Variants in HLA-DQA1 observed in about 807,000 individuals in gnomAD.
HLA-DQA1 encodes the protein HLA class II histocompatibility antigen, DQ alpha 1 chain.
In HLA-DQA1, 10 loss-of-function variants were observed where a neutral mutation model predicts 20.7. That is an observed-to-expected ratio of 0.48 (90% CI 0.30 to 0.82). The LOEUF (loss-of-function observed/expected upper bound fraction) is 0.82, where lower values mean the gene tolerates loss of function less well. Among genes scored for constraint, HLA-DQA1 ranks in the 40% least tolerant of loss-of-function variants. The pLI, the probability that HLA-DQA1 is intolerant of heterozygous loss-of-function variation, is 0.07. For synonymous variants in HLA-DQA1, 39 were observed against 109.2 expected (o/e 0.36, Z 4.01); for missense variants, 127 against 293.0 (o/e 0.43, Z 4.14).
the HLA-DQA1 span, among the ~76,000 whole-genome samples, chr6:32,652,425 G>A: frequency 0.14 from 19,510 of 140,638 alleles, 4,203 homozygotes; most frequent in Admixed American, 0.21. Flanking sequence ...TTAGTAAAGT[G>A]AAACTGTTAA....
the HLA-DQA1 span, among the ~76,000 whole-genome samples, chr6:32,653,706 G>A: frequency 0.18 from 20,005 of 110,502 alleles, 6,915 homozygotes; most frequent in Admixed American, 0.21. Context: ...CATGTTCATC[G>A]CAGCACTACT....
At chr6:32,647,971 A>T (rs1024165891), downstream of HLA-DQA1, among the ~76,000 whole-genome samples, 4 of 151,848 alleles carry the variant, frequency 2.6e-5, no homozygotes, top group African/African-American at 9.7e-5. Flanking sequence ...ATAATTCCAC[A>T]AACATGTAAT....
downstream of HLA-DQA1, chr6:32,646,125 G>GC: frequency 1.0e-5 from 1 of 98,464 alleles, no homozygotes. Context: ...TAAAAATGTA[G>GC]GGCCTACTAT....
rs202014999 is a variant in HLA-DQA1, at chr6:32,642,375, CT to C, written c.613+132del. ...CTTCATGGGTTTCTTTTCTGTCTCT[CT>C]TTTTTTTTTGAAAGAATAAAGCAAA... is the stretch of plus-strand genomic sequence containing the variant. On this transcript the variant is annotated intron_variant, in intron 3 of 4. Coordinates refer to ENST00000343139, the MANE Select transcript of HLA-DQA1 (RefSeq NM_002122.5). 1,738 of 462,216 alleles carry C rather than the reference CT, an allele frequency of 3.8e-3. 6 individuals are homozygous for C. Among genetic ancestry groups the C allele is most frequent in the Middle Eastern group, 5.1e-3 (9 of 1,750 alleles). The allele number at this position is 462,216 out of a possible 1,614,324, so 28.6% of individuals were successfully genotyped here. A position where few individuals can be genotyped will look rare whatever the true frequency, so the allele number is the denominator to read the frequency against.
chr6:32,650,490 C>T (rs1360728137), downstream of HLA-DQA1, among the ~76,000 whole-genome samples: 6 of 95,650 alleles, frequency 6.3e-5, 2 homozygotes, highest in Admixed American at 1.3e-4. Flanking sequence ...GAAAATGTGG[C>T]ACATATACAC....
At position 32,640,894 on chromosome 6, in the gene HLA-DQA1, G is replaced by A. The variant is rs191812106; in HGVS notation, c.83-416G>A. On this transcript the variant is annotated intron_variant, in intron 1 of 4. Transcript: ENST00000343139. ...AGAGGAAAGGAAGTATAATCAATTT[G>A]TTATTAACCAATGAAAGAATTAAGT... Among the ~76,000 whole-genome samples, 87 of 112,112 alleles carry A rather than the reference G, an allele frequency of 7.8e-4. No homozygotes were observed. The East Asian group carries it at 0.017, about 22-fold the overall frequency. The allele number at this position is 112,112 out of a possible 152,430, so 73.5% of individuals were successfully genotyped here.
chr6:32,637,778 T>A (rs9272456), intron 1 of HLA-DQA1, among the ~76,000 whole-genome samples: 11,903 of 105,328 alleles, frequency 0.11, 1,563 homozygotes, highest in East Asian at 0.26. Flanking sequence ...ATTCAGTGAC[T>A]ACGGCCTGGA....
intron 1 of HLA-DQA1, among the ~76,000 whole-genome samples, chr6:32,640,962 C>A (rs796316686): frequency 0.13 from 12,203 of 93,432 alleles, 1,774 homozygotes; most frequent in East Asian, 0.23. Flanking sequence ...AACCTAATTT[C>A]TGACTAAGAA....
At chr6:32,650,716 G>A (rs545361737), downstream of HLA-DQA1, among the ~76,000 whole-genome samples, 14 of 90,260 alleles carry the variant, frequency 1.6e-4, 4 homozygotes, top group Admixed American at 1.4e-3. Context: ...CGGGGGTTGG[G>A]GGAGGGATAG....
intron 3 of HLA-DQA1, 93 bp downstream of exon 3, chr6:32,642,346 C>G: frequency 1.1e-6 from 1 of 885,198 alleles, no homozygotes; most frequent in Non-Finnish European, 1.7e-6. Flanking sequence ...ACTTGTTTTC[C>G]ACACTTCATG....
intron 1 of HLA-DQA1, 23 bp downstream of exon 1, chr6:32,637,563 T>C: frequency 6.0e-6 from 6 of 1,006,334 alleles, no homozygotes; most frequent in Non-Finnish European, 8.7e-6. Flanking sequence ...GTGAGGGATG[T>C]TCTCTGGAGC....
chr6:32,644,962 C>T (rs1397775836), downstream of HLA-DQA1: 4 of 133,276 alleles, frequency 3.0e-5, no homozygotes, highest in African/African-American at 1.1e-4. Flanking sequence ...GACTGGGAAT[C>T]AGTAAGCACA....
chr6:32,645,926 C>T (rs9273214), downstream of HLA-DQA1: 9 of 29,152 alleles, frequency 3.1e-4, no homozygotes, highest in Admixed American at 4.9e-4. Flanking sequence ...GCATAATGAC[C>T]AGAGTCATGC....
Position 32,643,522 on chromosome 6 carries a change from A to T in HLA-DQA1, c.*591A>T, listed in dbSNP as rs45512899. The stretch of plus-strand genomic sequence containing the variant: ...TCAGGCAACAATGAAATTAATGGAT[A>T]CCGTCTGCCCTTGGCCCAGAATTGT... On this transcript the variant is annotated 3_prime_UTR_variant, in exon 5 of 5. Coordinates refer to ENST00000343139, the MANE Select transcript of HLA-DQA1 (RefSeq NM_002122.5). 0.078 allele frequency: 13,852 copies of T among 178,066 alleles called. 1,003 individuals carry two copies. The highest frequency in any genetic ancestry group is 0.22 in the South Asian group (1,945 of 8,766). The allele number at this position is 178,066 out of a possible 1,614,324, so 11.0% of individuals were successfully genotyped here.
At chr6:32,643,930 C>T (rs1781693764), downstream of HLA-DQA1, 1 of 151,120 alleles carries the variant, frequency 6.6e-6, no homozygotes, top group Non-Finnish European at 1.5e-5. Context: ...GTCTGCCTCA[C>T]CTCCTGAATG....
chr6:32,649,377 C>T (rs1236128303), downstream of HLA-DQA1, among the ~76,000 whole-genome samples: 2 of 96,284 alleles, frequency 2.1e-5, no homozygotes, highest in African/African-American at 7.2e-5. Context: ...AAGAACAAAG[C>T]AAAGAAACCT....
downstream of HLA-DQA1, among the ~76,000 whole-genome samples, chr6:32,648,013 AAT>A (rs1554158581): frequency 0.51 from 69,770 of 135,854 alleles, 16,464 homozygotes; most frequent in Middle Eastern, 0.63. Context: ...AAAGGAAAAG[AAT>A]GAGGTAAAAC....
intron 1 of HLA-DQA1, among the ~76,000 whole-genome samples, chr6:32,638,399 A>T (rs9272497): frequency 0.33 from 34,729 of 106,002 alleles, 9,400 homozygotes; most frequent in East Asian, 0.44. Context: ...GGGCCAGACA[A>T]GGTGGCTCAT....
Position 32,643,478 on chromosome 6 carries a change from C to T in HLA-DQA1, c.*547C>T, listed in dbSNP as rs1065045. ...CTTCCTTGTGTTCCCACCCTTGGCACTGCCACCCACCCCTCAATTCAGGCA... is the reference window on the plus strand; with the variant it reads ...CTTCCTTGTGTTCCCACCCTTGGCATTGCCACCCACCCCTCAATTCAGGCA... On this transcript the variant is annotated 3_prime_UTR_variant, in exon 5 of 5. Coordinates refer to ENST00000343139, the MANE Select transcript of HLA-DQA1 (RefSeq NM_002122.5). 41,058 of 194,012 alleles carry T rather than the reference C, an allele frequency of 0.21. 6,328 individuals carry two copies. The highest frequency in any genetic ancestry group is 0.34 in the Middle Eastern group (137 of 404). 12.0% of individuals were successfully genotyped at this position (194,012 alleles called of 1,614,324 possible). A position where few individuals can be genotyped will look rare whatever the true frequency, so the allele number is the denominator to read the frequency against.
Sources: gnomAD v4.1 joint callset for allele counts (sites outside exome capture counted in the v4.1 genomes callset) on GRCh38, gnomAD v4.1.1 for gene constraint, MANE v1.5 for transcripts, NCBI Gene and HGNC (gene_info 2026-07-23, HGNC 2026-07-21) for gene names.